TENM2: variants seen among roughly 807,000 people sequenced by gnomAD.
TENM2 encodes teneurin transmembrane protein 2, also known as teneurin-2.
Under a neutral mutation model 245.2 loss-of-function variants are expected in TENM2, and 52 were observed. The ratio of observed to expected loss-of-function variants is 0.21; its 90% confidence interval spans 0.17 to 0.27. The LOEUF (loss-of-function observed/expected upper bound fraction) is 0.27, where lower values mean the gene tolerates loss of function less well. Among genes scored for constraint, TENM2 ranks in the 10% least tolerant of loss-of-function variants. The probability of loss-of-function intolerance (pLI) is 1.00; values close to 1 mark genes in which losing one functional copy is unlikely to be tolerated. For synonymous variants in TENM2, 1,363 were observed against 1,438.9 expected, an observed-to-expected ratio of 0.95 and a Z score of 1.19; for missense variants, 3,046 against 3,666.8, an observed-to-expected ratio of 0.83 and a Z score of 4.37.
At chr5:168,043,349 A>C (rs1482327123) in intron 5 of TENM2, among the ~76,000 whole-genome samples, 1 of 152,082 alleles carries the variant, frequency 6.6e-6, no homozygotes, top group Non-Finnish European at 1.5e-5. Flanking sequence ...TCAATCTCCC[A>C]AAGCACTGGG....
intron 2 of TENM2, among the ~76,000 whole-genome samples, chr5:167,684,370 CT>C (rs1272045543): frequency 6.6e-6 from 1 of 152,186 alleles, no homozygotes; most frequent in East Asian, 1.9e-4. Flanking sequence ...TTCTCTGTGC[CT>C]TCAGCATGAA....
chr5:167,218,571 G>T, the TENM2 span, among the ~76,000 whole-genome samples: 1 of 151,968 alleles, frequency 6.6e-6, no homozygotes, highest in African/African-American at 2.4e-5. Context: ...AAAGACATTT[G>T]TGCCTTAACA....
At chr5:167,205,750 C>G in the TENM2 span, among the ~76,000 whole-genome samples, 3 of 152,136 alleles carry the variant, frequency 2.0e-5, no homozygotes, top group East Asian at 5.8e-4. Context: ...TTTTGAGTCT[C>G]CCAAGACTGA....
intron 4 of TENM2, among the ~76,000 whole-genome samples, chr5:167,953,887 A>T (rs997679063): frequency 2.6e-5 from 4 of 152,028 alleles, no homozygotes; most frequent in Non-Finnish European, 2.9e-5. Context: ...TTGTTTTTTT[A>T]TAAGATCCTG....
intron 10 of TENM2, among the ~76,000 whole-genome samples, chr5:168,124,529 T>C (rs1795704702): frequency 6.6e-6 from 1 of 152,236 alleles, no homozygotes; most frequent in Non-Finnish European, 1.5e-5. Flanking sequence ...AAGGTCCTAA[T>C]CTTTATAAGC....
At chr5:167,240,447 A>C in the TENM2 span, among the ~76,000 whole-genome samples, 1 of 151,806 alleles carries the variant, frequency 6.6e-6, no homozygotes, top group African/African-American at 2.4e-5. Flanking sequence ...CTTTTACCTC[A>C]TGTGTATCAG....
intron 21 of TENM2, 36 bp from the exon 24 acceptor site, chr5:168,216,718 CAATCCTACACCTTT>C: frequency 6.2e-7 from 1 of 1,604,072 alleles, no homozygotes; most frequent in Non-Finnish European, 8.5e-7. Flanking sequence ...CTCCACCCCG[CAATCCTACACCTTT>C]CCAAGAGATA....
intron 4 of TENM2, among the ~76,000 whole-genome samples, chr5:167,971,432 G>A (rs1432007634): frequency 6.6e-6 from 1 of 152,148 alleles, no homozygotes; most frequent in Non-Finnish European, 1.5e-5. Context: ...TGGACGCGGT[G>A]CCTCACACCT....
chr5:167,276,928 A>C, the TENM2 span, among the ~76,000 whole-genome samples: 1 of 151,986 alleles, frequency 6.6e-6, no homozygotes, highest in Admixed American at 6.6e-5. Flanking sequence ...TTCTCTAATT[A>C]TCTTGTTCAT....
At chr5:168,014,728 G>A (rs557383353) in intron 5 of TENM2, among the ~76,000 whole-genome samples, 1 of 152,284 alleles carries the variant, frequency 6.6e-6, no homozygotes, top group East Asian at 1.9e-4. Flanking sequence ...ACAATGAAAT[G>A]GAAGGATTCC....
At chr5:167,135,310 G>A in the TENM2 span, among the ~76,000 whole-genome samples, 34 of 152,192 alleles carry the variant, frequency 2.2e-4, no homozygotes, top group African/African-American at 7.7e-4. Flanking sequence ...ATTGCGCCCC[G>A]AAACATTTTA....
intron 2 of TENM2, among the ~76,000 whole-genome samples, chr5:167,599,997 T>A (rs1236055491): frequency 6.8e-6 from 1 of 148,018 alleles, no homozygotes; most frequent in Non-Finnish European, 1.5e-5. Flanking sequence ...AACACAAAAA[T>A]TAGCCAGACG....
intron 13 of TENM2, among the ~76,000 whole-genome samples, chr5:168,163,617 G>A (rs571076754): frequency 6.6e-6 from 1 of 152,256 alleles, no homozygotes; most frequent in South Asian, 2.1e-4. Flanking sequence ...CAAGGGTTGG[G>A]CTGCTTGTTT....
At chr5:167,215,913 T>G in the TENM2 span, among the ~76,000 whole-genome samples, 5 of 152,198 alleles carry the variant, frequency 3.3e-5, no homozygotes, top group African/African-American at 1.2e-4. Context: ...TGATGTAAAT[T>G]TACCTATCAT....
intron 7 of TENM2, among the ~76,000 whole-genome samples, chr5:168,083,488 C>T (rs1434214997): frequency 1.3e-5 from 2 of 152,186 alleles, no homozygotes; most frequent in African/African-American, 2.4e-5. Context: ...AACCCGGTAC[C>T]TCAGTTGGAA....
chr5:167,389,249 AAT>A (rs61126047), intron 2 of TENM2, among the ~76,000 whole-genome samples: 9,394 of 146,690 alleles, frequency 0.064, 594 homozygotes, highest in African/African-American at 0.17. Flanking sequence ...GTGCATTTAA[AAT>A]ATATATATAT....
chr5:167,076,290 A>G, the TENM2 span, among the ~76,000 whole-genome samples: 1 of 152,230 alleles, frequency 6.6e-6, no homozygotes, highest in African/African-American at 2.4e-5. Context: ...TGCTTCTTTC[A>G]TCTTCACTAA....
the TENM2 span, among the ~76,000 whole-genome samples, chr5:167,205,898 A>G: frequency 2.0e-5 from 3 of 152,186 alleles, no homozygotes; most frequent in African/African-American, 4.8e-5. Context: ...ACACAAAGGC[A>G]TATCAAATTC....
At chr5:167,199,659 T>G in the TENM2 span, among the ~76,000 whole-genome samples, 2 of 152,104 alleles carry the variant, frequency 1.3e-5, no homozygotes, top group Non-Finnish European at 2.9e-5. Flanking sequence ...ATCCTTCCCT[T>G]CGCCTCACAT....
Sources: gnomAD v4.1 joint callset for allele counts (sites outside exome capture counted in the v4.1 genomes callset) on GRCh38, gnomAD v4.1.1 for gene constraint, MANE v1.5 for transcripts, NCBI Gene and HGNC (gene_info 2026-07-23, HGNC 2026-07-21) for gene names.